Variants in RAB28 observed in about 807,000 individuals in gnomAD.
RAB28 encodes ras-related protein Rab-28.
A neutral mutation model predicts 31.7 loss-of-function variants in RAB28; 24 were observed. The ratio of observed to expected loss-of-function variants is 0.76; its 90% confidence interval spans 0.55 to 1.06. The LOEUF (loss-of-function observed/expected upper bound fraction) is 1.06, where lower values mean the gene tolerates loss of function less well. RAB28 is among the 50% of genes least tolerant of loss of function. The probability of loss-of-function intolerance (pLI) is 0.00; values close to 1 mark genes in which losing one functional copy is unlikely to be tolerated. For synonymous variants in RAB28, 100 were observed against 90.4 expected (o/e 1.11, Z -0.60); for missense variants, 254 against 258.5 (o/e 0.98, Z 0.12).
At chr4:13,429,599 CA>C (rs1713696641) in intron 4 of RAB28, among the ~76,000 whole-genome samples, 1 of 151,936 alleles carries the variant, frequency 6.6e-6, no homozygotes, top group African/African-American at 2.4e-5. Context: ...TTTTATACTT[CA>C]AAAGTGAAAA....
intron 6 of RAB28, 74 bp downstream of exon 6, chr4:13,376,471 A>G (rs749574303): frequency 2.7e-6 from 3 of 1,104,274 alleles, no homozygotes; most frequent in Non-Finnish European, 3.9e-6. Flanking sequence ...TAAATGGGAA[A>G]GAATTTATGG....
At chr4:13,434,131 G>C (rs1360367097) in intron 4 of RAB28, among the ~76,000 whole-genome samples, 1 of 152,126 alleles carries the variant, frequency 6.6e-6, no homozygotes, top group African/African-American at 2.4e-5. Flanking sequence ...TGGACATAAA[G>C]AAGGGAGAAA....
Position 13,368,640 on chromosome 4 carries a change from T to G in RAB28, c.584A>C (p.Lys195Thr), listed in dbSNP as rs766709447. The G allele has an allele frequency of 1.9e-6, 3 of 1,610,548 alleles. No individual in the cohort carries two copies. The highest frequency in any genetic ancestry group is 4.5e-5 in the East Asian group (2 of 44,716). The change falls in exon 7 of 7, where the codon AAG (lysine) becomes ACG (threonine). Residue 195 changes from lysine (K) to threonine (T), a missense_variant. Physicochemically the swap from Lys to Thr is moderately conservative, Grantham distance 78. Coordinates refer to ENST00000330852, the MANE Select transcript of RAB28 (RefSeq NM_001017979.3). ...AEIEQSQRVV[K>T]ADIVNYNQEP... ...CTGGTTGTAGTTTACAATATCTGCCTTCACCACCCTCTGTCATAAAAGAAA... is the reference window on the plus strand; with the variant it reads ...CTGGTTGTAGTTTACAATATCTGCCGTCACCACCCTCTGTCATAAAAGAAA...
chr4:13,405,457 T>C (rs183425029), intron 4 of RAB28, among the ~76,000 whole-genome samples: 10 of 152,256 alleles, frequency 6.6e-5, no homozygotes, highest in Admixed American at 2.6e-4. Context: ...GTTCTTTGGA[T>C]AGATAACTGT....
chr4:13,415,202 C>T (rs1203363550), intron 4 of RAB28, among the ~76,000 whole-genome samples: 2 of 152,166 alleles, frequency 1.3e-5, no homozygotes, highest in Non-Finnish European at 2.9e-5. Context: ...CATATAAATG[C>T]TGAAAATATG....
intron 4 of RAB28, among the ~76,000 whole-genome samples, chr4:13,423,298 G>A (rs918561345): frequency 6.6e-6 from 1 of 152,082 alleles, no homozygotes; most frequent in Non-Finnish European, 1.5e-5. Context: ...CACTTTAGGA[G>A]GCCAAGGAGG....
At chr4:13,478,342 C>T (rs1424099809) in intron 2 of RAB28, among the ~76,000 whole-genome samples, 1 of 151,344 alleles carries the variant, frequency 6.6e-6, no homozygotes, top group African/African-American at 2.4e-5. Flanking sequence ...TCTTTTTTTT[C>T]TCATGGGATA....
intron 4 of RAB28, among the ~76,000 whole-genome samples, chr4:13,459,090 T>C (rs1018090181): frequency 4.6e-5 from 7 of 152,184 alleles, no homozygotes; most frequent in African/African-American, 1.7e-4. Flanking sequence ...CCTCCATCTT[T>C]TTCCTGTGCT....
chr4:13,437,719 G>GA (rs1354792931), intron 4 of RAB28, among the ~76,000 whole-genome samples: 1 of 152,000 alleles, frequency 6.6e-6, no homozygotes, highest in Non-Finnish European at 1.5e-5. Context: ...AGAGGCTACA[G>GA]AAAAAAGGAA....
chr4:13,387,944 T>C (rs985552571), intron 4 of RAB28, among the ~76,000 whole-genome samples: 4 of 152,000 alleles, frequency 2.6e-5, no homozygotes, highest in Non-Finnish European at 5.9e-5. Flanking sequence ...AATTATAAAC[T>C]TGATAACCCA....
intron 4 of RAB28, among the ~76,000 whole-genome samples, chr4:13,417,335 A>T (rs1712841704): frequency 6.6e-6 from 1 of 152,214 alleles, no homozygotes; most frequent in South Asian, 2.1e-4. Context: ...AGAAGGCAGC[A>T]GAAACTTTTG....
intron 6 of RAB28, among the ~76,000 whole-genome samples, chr4:13,375,770 C>CAT (rs1728896110): frequency 7.0e-6 from 1 of 143,830 alleles, no homozygotes. Flanking sequence ...TGTTTTAAAA[C>CAT]ACACACACAC....
intron 4 of RAB28, among the ~76,000 whole-genome samples, chr4:13,454,055 C>G (rs1715155484): frequency 6.6e-6 from 1 of 151,474 alleles, no homozygotes; most frequent in Non-Finnish European, 1.5e-5. Flanking sequence ...TTATTTTTGT[C>G]TGTGCTATTT....
chr4:13,444,461 T>C (rs1400543411), intron 4 of RAB28, among the ~76,000 whole-genome samples: 3 of 152,204 alleles, frequency 2.0e-5, no homozygotes, highest in Non-Finnish European at 2.9e-5. Context: ...ATCTTGGCTA[T>C]AGTGAATAAT....
At chr4:13,439,561 G>A (rs1205581931) in intron 4 of RAB28, among the ~76,000 whole-genome samples, 12 of 152,078 alleles carry the variant, frequency 7.9e-5, no homozygotes, top group Admixed American at 7.9e-4. Flanking sequence ...TGGCCAGACT[G>A]GTCTCAAACT....
chr4:13,379,196 ACT>A (rs1013993101), intron 5 of RAB28, among the ~76,000 whole-genome samples: 2 of 127,102 alleles, frequency 1.6e-5, no homozygotes, highest in African/African-American at 6.2e-5. Flanking sequence ...ACACAGTGAA[ACT>A]CTGTCTCAAA....
At position 13,447,987 on chromosome 4, in the gene RAB28, G is replaced by A. The variant is rs1714782041; in HGVS notation, c.391+12712C>T. On this transcript the variant is annotated intron_variant, in intron 4 of 6. Coordinates refer to ENST00000330852, the MANE Select transcript of RAB28 (RefSeq NM_001017979.3). ...AATTTTAGGAGTCAAAGATGCTTAG[G>A]TATTATTCACTAGTATCCTCTCATT... 2.0e-5 allele frequency among the ~76,000 whole-genome samples: 3 copies of A among 152,058 alleles called. No homozygotes were observed. The South Asian group carries it at 6.2e-4, about 31-fold the overall frequency.
At chr4:13,436,306 A>T (rs1030608687) in intron 4 of RAB28, among the ~76,000 whole-genome samples, 2 of 152,130 alleles carry the variant, frequency 1.3e-5, no homozygotes, top group Non-Finnish European at 2.9e-5. Context: ...AAGACAAGGA[A>T]GTTCACTGTC....
chr4:13,431,588 C>T lies in RAB28; in HGVS notation c.391+29111G>A, dbSNP rs1175340537. 2.6e-5 allele frequency among the ~76,000 whole-genome samples: 4 copies of T among 152,038 alleles called. No individual in the cohort carries two copies. In the South Asian group the frequency reaches 6.2e-4, roughly 24 times the overall value. Reference sequence around the variant, plus strand: ...CTGGAGACCTCCACACCATCAGGCCCACAGGAGACAGTGTGTCAGCCCTTA... The same window carrying T: ...CTGGAGACCTCCACACCATCAGGCCTACAGGAGACAGTGTGTCAGCCCTTA... On this transcript the variant is annotated intron_variant, in intron 4 of 6. Transcript: ENST00000330852.
Sources: allele counts gnomAD v4.1 joint callset (sites outside exome capture counted in the v4.1 genomes callset), GRCh38; gene constraint gnomAD v4.1.1; transcripts MANE v1.5; gene names NCBI Gene and HGNC (gene_info 2026-07-23, HGNC 2026-07-21).